SLC9A9: variants seen among roughly 807,000 people sequenced by gnomAD.
The protein encoded by SLC9A9 is sodium/hydrogen exchanger 9.
SLC9A9 carries 62 observed loss-of-function variants against 77.8 expected under a neutral mutation model. The ratio of observed to expected loss-of-function variants is 0.80; its 90% CI spans 0.65 to 0.98. The LOEUF (loss-of-function observed/expected upper bound fraction) is 0.98, where lower values mean the gene tolerates loss of function less well. Ranked by LOEUF, SLC9A9 falls within the 50% of genes least tolerant of loss-of-function variation. The pLI is 0.00. For synonymous variants in SLC9A9, 320 were observed against 283.5 expected (o/e 1.13, Z -1.29); for missense variants, 775 against 774.9 (o/e 1.00, Z 0.00).
At chr3:143,735,427 TTC>T (rs1934916473) in intron 4 of SLC9A9, among the ~76,000 whole-genome samples, 1 of 152,194 alleles carries the variant, frequency 6.6e-6, no homozygotes, top group Non-Finnish European at 1.5e-5. Context: ...GCATTAACAC[TTC>T]AATGAGCCTA....
At chr3:143,544,140 CAT>C (rs1266499283) in intron 9 of SLC9A9, among the ~76,000 whole-genome samples, 6 of 152,222 alleles carry the variant, frequency 3.9e-5, no homozygotes, top group Admixed American at 2.6e-4. Context: ...AGCATTTTCT[CAT>C]ATGTTTCTTG....
intron 2 of SLC9A9, among the ~76,000 whole-genome samples, chr3:143,809,456 G>A (rs1410153287): frequency 1.3e-5 from 2 of 152,140 alleles, no homozygotes; most frequent in African/African-American, 4.8e-5. Context: ...TCAGAGTTCT[G>A]GGAGTAACTC....
chr3:143,815,076 C>T (rs2008969662), intron 2 of SLC9A9, among the ~76,000 whole-genome samples: 1 of 152,028 alleles, frequency 6.6e-6, no homozygotes, highest in Non-Finnish European at 1.5e-5. Flanking sequence ...GAGAGGACAT[C>T]AGGAAACAGA....
chr3:143,787,653 A>G (rs1187126825), intron 4 of SLC9A9, among the ~76,000 whole-genome samples: 1 of 152,136 alleles, frequency 6.6e-6, no homozygotes, highest in Admixed American at 6.5e-5. Flanking sequence ...ACTGCTGTGT[A>G]ATATTATGTT....
chr3:143,781,391 C>T (rs1258624058), intron 4 of SLC9A9, among the ~76,000 whole-genome samples: 4 of 151,778 alleles, frequency 2.6e-5, no homozygotes, highest in South Asian at 2.1e-4. Context: ...ATGAACTCAA[C>T]GCATGTAAAG....
At chr3:143,535,989 C>G (rs2036583722) in intron 9 of SLC9A9, among the ~76,000 whole-genome samples, 1 of 152,152 alleles carries the variant, frequency 6.6e-6, no homozygotes, top group South Asian at 2.1e-4. Flanking sequence ...GAAGATACTA[C>G]TCATTGGGGC....
intron 14 of SLC9A9, among the ~76,000 whole-genome samples, chr3:143,277,786 AC>A (rs984724168): frequency 7.2e-5 from 11 of 152,208 alleles, no homozygotes; most frequent in South Asian, 2.1e-4. Context: ...GACTTTGACA[AC>A]AGGCCTTTGA....
chr3:143,831,215 A>C (rs1244204645), intron 2 of SLC9A9, among the ~76,000 whole-genome samples: 1 of 150,316 alleles, frequency 6.7e-6, no homozygotes, highest in Non-Finnish European at 1.5e-5. Flanking sequence ...TCTGACCTGA[A>C]AAAAAATCTC....
In SLC9A9 at chr3:143,495,370, G is replaced by T. The variant is rs1192629918; in HGVS notation, c.1168C>A (p.His390Asn). 1 of 1,614,078 alleles carries T rather than the reference G, an allele frequency of 6.2e-7. No homozygotes were observed. The highest frequency in any genetic ancestry group is 1.1e-5 in the South Asian group (1 of 91,066). Residue 390 changes from histidine (H) to asparagine (N), a missense_variant, in exon 10 of 16, where the codon CAT becomes AAT. By Grantham distance (68) the His-to-Asn change is moderately conservative. Transcript: ENST00000316549. ...MGLALFTFQN[H>N]IFNALFILGA... ...AGTATAAAAAGAGCATTAAAGATAT[G>T]ATTCTGGAACGTGAACAGTGCCAGG... is the stretch of plus-strand genomic sequence containing the variant.
At chr3:143,788,615 T>A (rs899291849) in intron 4 of SLC9A9, among the ~76,000 whole-genome samples, 3 of 138,950 alleles carry the variant, frequency 2.2e-5, no homozygotes, top group Non-Finnish European at 4.5e-5. Flanking sequence ...TGCTTGAACC[T>A]GGGAGGTGGA....
intron 5 of SLC9A9, among the ~76,000 whole-genome samples, chr3:143,684,551 T>C (rs1933200127): frequency 6.6e-6 from 1 of 152,090 alleles, no homozygotes; most frequent in African/African-American, 2.4e-5. Context: ...CCAAGTTTCT[T>C]GAACCTGTGA....
At chr3:143,428,704 A>AT in intron 12 of SLC9A9, among the ~76,000 whole-genome samples, 1 of 18,596 alleles carries the variant, frequency 5.4e-5, no homozygotes, top group African/African-American at 8.0e-4. Context: ...CAGATGAATG[A>AT]AGACAGACAC....
chr3:143,773,687 C>A (rs1473937126), intron 4 of SLC9A9, among the ~76,000 whole-genome samples: 1 of 152,014 alleles, frequency 6.6e-6, no homozygotes, highest in Non-Finnish European at 1.5e-5. Context: ...TTTCACCATG[C>A]TGGTCAGGCT....
chr3:143,835,989 G>T (rs1025965460), intron 1 of SLC9A9, among the ~76,000 whole-genome samples: 1 of 152,168 alleles, frequency 6.6e-6, no homozygotes, highest in Non-Finnish European at 1.5e-5. Flanking sequence ...CTTCAAGTCT[G>T]GGCGTCTGGG....
intron 6 of SLC9A9, among the ~76,000 whole-genome samples, chr3:143,604,286 T>C (rs2037888705): frequency 1.3e-5 from 2 of 152,220 alleles, no homozygotes; most frequent in African/African-American, 2.4e-5. Flanking sequence ...TGTGAATTTG[T>C]TGATTCCCTG....
chr3:143,420,192 G>A (rs2034271003), intron 12 of SLC9A9, among the ~76,000 whole-genome samples: 1 of 152,120 alleles, frequency 6.6e-6, no homozygotes, highest in South Asian at 2.1e-4. Context: ...CTGGCTGTGT[G>A]GCCTTGGAGA....
At chr3:143,770,540 C>A (rs1260451465) in intron 4 of SLC9A9, among the ~76,000 whole-genome samples, 2 of 152,022 alleles carry the variant, frequency 1.3e-5, no homozygotes, top group African/African-American at 2.4e-5. Context: ...AGCCTTACAT[C>A]ACAACTATCC....
Position 143,574,177 on chromosome 3 carries a change from T to C in SLC9A9, c.911A>G (p.Lys304Arg). 1 of 1,613,134 alleles carries C rather than the reference T, an allele frequency of 6.2e-7. No individual in the cohort carries two copies. Among genetic ancestry groups the C allele is most frequent in the Non-Finnish European group, 8.5e-7 (1 of 1,179,402 alleles). ...IITALLTKFT[K>R]LCEFPMLETG... ...TTCCAGCATCGGGAACTCACACAGC[T>C]TGGTAAATTTGGTCAAGTGAGGAAG... The change falls in exon 8 of 16, where the codon AAG becomes AGG. Residue 304 changes from lysine (K) to arginine (R), a missense_variant. Lys to Arg is a conservative substitution (Grantham distance 26). Transcript: ENST00000316549.
chr3:143,612,883 C>G (rs2038045132), intron 6 of SLC9A9, among the ~76,000 whole-genome samples: 1 of 152,104 alleles, frequency 6.6e-6, no homozygotes, highest in Non-Finnish European at 1.5e-5. Flanking sequence ...ATCTTATAAA[C>G]CTGAAGCACT....
Sources: allele counts gnomAD v4.1 joint callset (sites outside exome capture counted in the v4.1 genomes callset), GRCh38; gene constraint gnomAD v4.1.1; transcripts MANE v1.5; gene names NCBI Gene and HGNC (gene_info 2026-07-23, HGNC 2026-07-21).